The following SMYD3 variants were observed in gnomAD, a reference collection of about 807,000 sequenced individuals.
The protein encoded by SMYD3 is SET and MYND domain containing 3, also known as histone-lysine N-methyltransferase SMYD3.
SMYD3 carries 36 observed loss-of-function variants against 57.7 expected under a neutral mutation model. The observed-to-expected ratio is 0.62, with a 90% CI of 0.48 to 0.82. The LOEUF is 0.82. Ranked by LOEUF, SMYD3 falls within the 40% of genes least tolerant of loss-of-function variation. The probability of loss-of-function intolerance (pLI) is 0.00; values close to 1 mark genes in which losing one functional copy is unlikely to be tolerated. For missense variants in SMYD3, 515 were observed against 538.8 expected, an observed-to-expected ratio of 0.96 and a Z score of 0.44; for synonymous variants, 211 against 195.0, an observed-to-expected ratio of 1.08 and a Z score of -0.68.
intron 5 of SMYD3, among the ~76,000 whole-genome samples, chr1:246,158,889 C>A (rs186174781): frequency 1.3e-4 from 20 of 152,260 alleles, no homozygotes; most frequent in Admixed American, 5.9e-4. Context: ...GAGCAATGAA[C>A]AAGATACACC....
At chr1:246,218,017 A>C (rs963192161) in intron 5 of SMYD3, among the ~76,000 whole-genome samples, 6 of 149,166 alleles carry the variant, frequency 4.0e-5, no homozygotes, top group African/African-American at 1.5e-4. Flanking sequence ...TTAAAAACAG[A>C]AAATAAATAA....
chr1:246,062,099 C>T (rs1480478155), intron 5 of SMYD3, among the ~76,000 whole-genome samples: 1 of 152,106 alleles, frequency 6.6e-6, no homozygotes, highest in Non-Finnish European at 1.5e-5. Flanking sequence ...AAACGAATCC[C>T]ACAGGTTAAA....
intron 5 of SMYD3, among the ~76,000 whole-genome samples, chr1:246,076,745 G>GA (rs1033742696): frequency 3.0e-4 from 44 of 148,866 alleles, no homozygotes; most frequent in African/African-American, 7.7e-4. Context: ...CAAAAAAAAT[G>GA]AAAAAAAATG....
In SMYD3 at chr1:246,248,457, G is replaced by A. The variant is rs117512279; in HGVS notation, c.531+78744C>T. 9.2e-4 allele frequency among the ~76,000 whole-genome samples: 140 copies of A among 152,048 alleles called. 3 individuals are homozygous for A. The East Asian group carries it at 0.022, about 24-fold the overall frequency. On this transcript the variant is annotated intron_variant, in intron 5 of 11. Coordinates refer to ENST00000490107, the MANE Select transcript of SMYD3 (RefSeq NM_001167740.2). ...TTTTGGAAAGTAATTTGGGCAGGTC[G>A]TTTGTTCCCATTATCAATTACCGGT...
At chr1:246,381,907 A>G (rs1391239104) in intron 1 of SMYD3, among the ~76,000 whole-genome samples, 1 of 148,052 alleles carries the variant, frequency 6.8e-6, no homozygotes, top group African/African-American at 2.5e-5. Context: ...TCCAGCCTCC[A>G]GGCCCACCGC....
chr1:245,801,405 G>A (rs1199104265), intron 10 of SMYD3, among the ~76,000 whole-genome samples: 1 of 152,108 alleles, frequency 6.6e-6, no homozygotes, highest in Non-Finnish European at 1.5e-5. Context: ...TTCTAGCCAC[G>A]GTAACTAAAC....
intron 11 of SMYD3, among the ~76,000 whole-genome samples, chr1:245,756,104 T>TTA (rs890059989): frequency 2.8e-4 from 41 of 148,172 alleles, no homozygotes; most frequent in African/African-American, 3.4e-4. Context: ...TATATATATT[T>TTA]TATATATATA....
At chr1:245,901,410 T>C (rs2054172938) in intron 8 of SMYD3, among the ~76,000 whole-genome samples, 1 of 152,210 alleles carries the variant, frequency 6.6e-6, no homozygotes, top group South Asian at 2.1e-4. Context: ...ATATTTCATA[T>C]TGGACCTAAA....
chr1:246,345,267 C>A (rs971427956), intron 2 of SMYD3, among the ~76,000 whole-genome samples: 2 of 152,058 alleles, frequency 1.3e-5, no homozygotes, highest in African/African-American at 4.8e-5. Context: ...TTACTTTTAT[C>A]ATTTATTTTC....
intron 5 of SMYD3, chr1:245,956,132 G>C: frequency 1.1e-6 from 1 of 885,412 alleles, no homozygotes; most frequent in Non-Finnish European, 1.4e-6. Flanking sequence ...TGCCCAGGCT[G>C]GTCTCAAACT....
intron 5 of SMYD3, chr1:245,930,251 C>T (rs913247157): frequency 4.1e-5 from 17 of 417,870 alleles, no homozygotes; most frequent in Non-Finnish European, 6.8e-5. Flanking sequence ...GTTACATGAA[C>T]TGTTCAAAAT....
chr1:246,402,526 A>G (rs1334684163), intron 1 of SMYD3, among the ~76,000 whole-genome samples: 1 of 151,938 alleles, frequency 6.6e-6, no homozygotes, highest in East Asian at 1.9e-4. Context: ...TCTCCACTCA[A>G]TATACTTCAA....
intron 10 of SMYD3, among the ~76,000 whole-genome samples, chr1:245,797,828 C>CAAAAAAA (rs559088835): frequency 0.013 from 1,379 of 108,940 alleles, 23 homozygotes; most frequent in African/African-American, 0.031. Flanking sequence ...TTCCGGGTTC[C>CAAAAAAA]AAAAAAAAAA....
intron 10 of SMYD3, among the ~76,000 whole-genome samples, chr1:245,797,532 G>T (rs190607188): frequency 3.1e-5 from 4 of 130,332 alleles, no homozygotes; most frequent in East Asian, 5.3e-4. Flanking sequence ...GTGGTGGGGT[G>T]GGGGGAGGGG....
chr1:246,352,165 A>G (rs1313574199), intron 2 of SMYD3, among the ~76,000 whole-genome samples: 1 of 135,370 alleles, frequency 7.4e-6, no homozygotes, highest in African/African-American at 2.7e-5. Flanking sequence ...AAAAAAAAAC[A>G]TAAAGAAAGA....
intron 5 of SMYD3, among the ~76,000 whole-genome samples, chr1:246,145,003 G>T (rs1239618190): frequency 1.3e-5 from 2 of 152,216 alleles, no homozygotes; most frequent in African/African-American, 4.8e-5. Context: ...ACACAGGCTT[G>T]AAAATCTGAA....
intron 1 of SMYD3, among the ~76,000 whole-genome samples, chr1:246,490,844 G>C (rs563301139): frequency 2.0e-5 from 3 of 152,186 alleles, no homozygotes; most frequent in Admixed American, 2.0e-4. Flanking sequence ...CCCAGCCTGG[G>C]CAACAGAGTG....
intron 5 of SMYD3, among the ~76,000 whole-genome samples, chr1:246,105,377 A>T (rs2061099945): frequency 6.6e-6 from 1 of 152,172 alleles, no homozygotes; most frequent in African/African-American, 2.4e-5. Flanking sequence ...TTTCACCAAA[A>T]AAAAAGCACT....
chr1:245,908,511 C>T (rs2054738416), intron 8 of SMYD3, among the ~76,000 whole-genome samples: 1 of 152,140 alleles, frequency 6.6e-6, no homozygotes, highest in Non-Finnish European at 1.5e-5. Context: ...GAACATACAT[C>T]CAACACCTGT....
Sources: gnomAD v4.1 joint callset for allele counts (sites outside exome capture counted in the v4.1 genomes callset) on GRCh38, gnomAD v4.1.1 for gene constraint, MANE v1.5 for transcripts, NCBI Gene and HGNC (gene_info 2026-07-23, HGNC 2026-07-21) for gene names.